VWCE: variants seen among roughly 807,000 people sequenced by gnomAD.
The protein encoded by VWCE is von Willebrand factor C and EGF domains, also known as von Willebrand factor C and EGF domain-containing protein.
VWCE carries 68 observed loss-of-function variants against 102.9 expected under a neutral mutation model. That is an observed-to-expected ratio of 0.66 (90% CI 0.54 to 0.81). VWCE has a LOEUF of 0.81. Ranked by LOEUF, VWCE falls within the 30% of genes least tolerant of loss-of-function variation. The probability of loss-of-function intolerance (pLI) is 0.00; values close to 1 mark genes in which losing one functional copy is unlikely to be tolerated. For synonymous variants in VWCE, 497 were observed against 515.4 expected (o/e 0.96, Z 0.48); for missense variants, 1,137 against 1,263.6 (o/e 0.90, Z 1.52).
At chr11:61,279,073 C>A (rs1297941918) in intron 9 of VWCE, among the ~76,000 whole-genome samples, 2 of 151,204 alleles carry the variant, frequency 1.3e-5, no homozygotes, top group Admixed American at 6.6e-5. Context: ...AAAAAAAAAA[C>A]TGGCCATCCA....
chr11:61,286,302 T>C lies in VWCE; in HGVS notation c.541+12A>G, dbSNP rs200243738. ...CCCCTCCCAGAGCAGCCATTCCTTC[T>C]CTGCAGCTCACCTTGGCAGCTGTGG... On this transcript the variant is annotated intron_variant, in intron 5 of 19. Coordinates refer to ENST00000335613, the MANE Select transcript of VWCE (RefSeq NM_152718.2). 15 of 1,604,368 alleles carry C rather than the reference T, an allele frequency of 9.3e-6. No homozygotes were observed. The highest frequency in any genetic ancestry group is 1.3e-5 in the Non-Finnish European group (15 of 1,179,446).
At position 61,281,248 on chromosome 11, in the gene VWCE, C is replaced by G. The variant is rs770106462; in HGVS notation, c.788-13G>C. 1.9e-6 allele frequency: 3 copies of G among 1,611,756 alleles called. No homozygotes were observed. The East Asian group carries it at 6.7e-5, about 36-fold the overall frequency. On this transcript the variant is annotated splice_polypyrimidine_tract_variant and intron_variant, in intron 7 of 19. Coordinates refer to ENST00000335613, the MANE Select transcript of VWCE (RefSeq NM_152718.2). ...GCTTTCGGGAAAGCTGAAACAGAAG[C>G]ACGGAGGTCTCTTGGGGTGGACAGC...
At position 61,259,172 on chromosome 11, in the gene VWCE, G is replaced by A; in HGVS notation, c.2371C>T (p.Pro791Ser). Residue 791 changes from proline (P) to serine (S), a missense_variant, in exon 20 of 20, where the codon CCC becomes TCC. This residue lies in a region of VWCE where 316 missense variants were observed against 319.3 expected (regional missense o/e 0.99). Transcript: ENST00000335613. ...SSCPGPPTAS[P>S]SRPVLHLLQL... Reference sequence around the variant, plus strand: ...AGGAGATGAAGCACCGGCCTCGAGGGTGATGCTGTCGGGGGCCCAGGACAG... The same window carrying A: ...AGGAGATGAAGCACCGGCCTCGAGGATGATGCTGTCGGGGGCCCAGGACAG... 6.2e-7 allele frequency: 1 copy of A among 1,614,192 alleles called. No individual in the cohort carries two copies. Among genetic ancestry groups the A allele is most frequent in the Non-Finnish European group, 8.5e-7 (1 of 1,180,030 alleles).
At chr11:61,274,744 CA>C (rs1854852114) in intron 11 of VWCE, among the ~76,000 whole-genome samples, 160 bp from the exon 12 acceptor site, 1 of 152,128 alleles carries the variant, frequency 6.6e-6, no homozygotes. Context: ...TCTCCCCCTC[CA>C]AACCCCAGAC....
chr11:61,261,780 G>A (rs1236051604), intron 19 of VWCE, among the ~76,000 whole-genome samples: 8 of 150,914 alleles, frequency 5.3e-5, no homozygotes, highest in Non-Finnish European at 1.2e-4. Flanking sequence ...ACTCCAGCCT[G>A]GGCAACAGAG....
In VWCE at chr11:61,280,973, C is replaced by A; in HGVS notation, c.1050G>T (p.Leu350=). The A allele has an allele frequency of 1.3e-6, 2 of 1,536,858 alleles. No individual in the cohort carries two copies. The highest frequency in any genetic ancestry group is 1.7e-6 in the Non-Finnish European group (2 of 1,143,644). Residue 350 remains leucine (L), a synonymous_variant, in exon 8 of 20, where the codon CTG becomes CTT. Transcript: ENST00000335613. ...LLATPVPTAS[L]LGNLRPPSLL... is the part of the protein sequence containing the mutation. ...GTGAGGGGGGTCTGAGGTTCCCCAG[C>A]AGGGAGGCAGTAGGCACTGGGGTGG...
At position 61,290,931 on chromosome 11, in the gene VWCE, G is replaced by A. The variant is rs755804773; in HGVS notation, c.296-4C>T. The A allele has an allele frequency of 5.6e-6, 9 of 1,612,804 alleles. No homozygotes were observed. The South Asian group carries it at 7.7e-5, about 14-fold the overall frequency. On this transcript the variant is annotated splice_region_variant and splice_polypyrimidine_tract_variant and intron_variant, in intron 3 of 19. Coordinates refer to ENST00000335613, the MANE Select transcript of VWCE (RefSeq NM_152718.2). ...TCCCCACATGGTCCATGGGTTTCTA[G>A]AGCAGGCATCACACCAGTGAGCATG...
chr11:61,263,635 A>G (rs1854421782), intron 19 of VWCE, among the ~76,000 whole-genome samples: 1 of 152,104 alleles, frequency 6.6e-6, no homozygotes, highest in Non-Finnish European at 1.5e-5. Context: ...GTTCTTGGGA[A>G]TCAATCCACT....
intron 4 of VWCE, among the ~76,000 whole-genome samples, chr11:61,289,013 A>G (rs1219736598): frequency 6.6e-6 from 1 of 150,942 alleles, no homozygotes; most frequent in Non-Finnish European, 1.5e-5. Flanking sequence ...TAATTTTTGT[A>G]TTTTTAGTAG....
At chr11:61,274,024 C>T (rs1854824710) in intron 12 of VWCE, among the ~76,000 whole-genome samples, 1 of 152,178 alleles carries the variant, frequency 6.6e-6, no homozygotes, top group South Asian at 2.1e-4. Context: ...GATGCAACCC[C>T]TACCTGCAGC....
At chr11:61,291,450 A>T in intron 2 of VWCE, 32 bp downstream of exon 2, 2 of 1,561,590 alleles carry the variant, frequency 1.3e-6, no homozygotes, top group Non-Finnish European at 8.7e-7. Context: ...CTGCTGGAGG[A>T]GAAGACTTGG....
At chr11:61,276,549 T>TAAAA in intron 11 of VWCE, 44 bp downstream of exon 11, 3 of 1,148,190 alleles carry the variant, frequency 2.6e-6, no homozygotes, top group Non-Finnish European at 3.4e-6. Flanking sequence ...ACAAAAAATC[T>TAAAA]AAAAAAAAAA....
intron 13 of VWCE, 84 bp downstream of exon 13, chr11:61,273,115 A>C (rs1590629002): frequency 7.3e-7 from 1 of 1,365,160 alleles, no homozygotes. Flanking sequence ...CAGCACACAC[A>C]CCAGCAGTCT....
At position 61,274,580 on chromosome 11, in the gene VWCE, T is replaced by C; in HGVS notation, c.1500A>G (p.Arg500=). The C allele has an allele frequency of 6.2e-7, 1 of 1,613,682 alleles. No individual in the cohort carries two copies. Among genetic ancestry groups the C allele is most frequent in the Non-Finnish European group, 8.5e-7 (1 of 1,179,836 alleles). The change falls in exon 12 of 20, where the codon AGA becomes AGG. Residue 500 remains arginine (R), a synonymous_variant. Coordinates refer to ENST00000335613, the MANE Select transcript of VWCE (RefSeq NM_152718.2). The part of the protein sequence containing the change: ...QTDCCTCVPV[R]CYFHGRWYAD... ...CGTACCACCGGCCGTGGAAATAGCA[T>C]CTCACTGCAGAGGAGAAAGGGAGAA... is the stretch of plus-strand genomic sequence containing the variant.
intron 4 of VWCE, among the ~76,000 whole-genome samples, chr11:61,289,724 CCAGGGAAAAGGG>C (rs1235140056): frequency 1.3e-5 from 2 of 151,966 alleles, no homozygotes; most frequent in Non-Finnish European, 2.9e-5. Context: ...ACAGACACAC[CCAGGGAAAAGGG>C]CAGGAAAAAA....
rs1263920959 is a variant in VWCE at position 61,280,602 on chromosome 11, C to T, written c.1324+22G>A. The T allele has an allele frequency of 2.5e-6, 4 of 1,613,060 alleles. No homozygotes were observed. In the South Asian group the frequency reaches 4.4e-5, roughly 18 times the overall value. ...AGAAAGGAAGAGGCAGGACTATGTC[C>T]TTCCCTGGCACCAGCTCTCACCTGT... On this transcript the variant is annotated intron_variant, in intron 9 of 19. Coordinates refer to ENST00000335613, the MANE Select transcript of VWCE (RefSeq NM_152718.2).
rs925533713 is a variant in VWCE at position 61,294,957 on chromosome 11, C to T, written c.81G>A (p.Arg27=). 2.7e-6 allele frequency: 4 copies of T among 1,458,402 alleles called. No homozygotes were observed. The South Asian group carries it at 3.9e-5, about 14-fold the overall frequency. 90.3% of individuals were successfully genotyped at this position (1,458,402 alleles called of 1,614,324 possible). Residue 27 remains arginine, a synonymous_variant, in exon 1 of 20, where the codon AGG becomes AGA. Transcript: ENST00000335613. The surrounding 1 kb of genome is among the most constrained non-coding windows in gnomAD (Gnocchi z 6.3). ...CGGCCGCGAAGTGCCCGGGCGGCTTCCTCCCGGTGTAGCCTCGGGCTGGTG... is the reference window on the plus strand; with the variant it reads ...CGGCCGCGAAGTGCCCGGGCGGCTTTCTCCCGGTGTAGCCTCGGGCTGGTG... ...PGAPARGYTG[R]KPPGHFAAER... is the part of the protein sequence containing the mutation.
At chr11:61,270,242 G>T (rs1003774747) in intron 14 of VWCE, among the ~76,000 whole-genome samples, 1 of 152,084 alleles carries the variant, frequency 6.6e-6, no homozygotes, top group African/African-American at 2.4e-5. Context: ...TTTAACAAAC[G>T]GCTCATCGAA....
At position 61,267,509 on chromosome 11, in the gene VWCE, CGTT is replaced by C. The variant is rs1854549372; in HGVS notation, c.1915_1917del (p.Asn639del). 2 of 1,614,084 alleles carry C rather than the reference CGTT, an allele frequency of 1.2e-6. No homozygotes were observed. The highest frequency in any genetic ancestry group is 1.7e-5 in the Admixed American group (1 of 60,008). ...GGGTCCAGCACAGACGGGAAGGTCT[CGTT>C]GTTATAGAAGATTCTGCCTGTGTAG... On this transcript the variant is annotated inframe_deletion, in exon 16 of 20. Transcript: ENST00000335613.
Sources: allele counts gnomAD v4.1 joint callset (sites outside exome capture counted in the v4.1 genomes callset), GRCh38; gene constraint gnomAD v4.1.1; regional missense constraint gnomAD v4.1.1; non-coding constraint Gnocchi (gnomAD v3.1); transcripts MANE v1.5; gene names NCBI Gene and HGNC (gene_info 2026-07-23, HGNC 2026-07-21).